RANBP17: variants seen among roughly 807,000 people sequenced by gnomAD.
RANBP17 encodes the protein ran-binding protein 17.
RANBP17 carries 158 observed loss-of-function variants against 141.2 expected under a neutral mutation model. That is an observed-to-expected ratio of 1.12 (90% CI 0.98 to 1.28). RANBP17 has a LOEUF of 1.28. RANBP17 is among the 50% of genes most tolerant of loss of function. The pLI is 0.00. For synonymous variants in RANBP17, 430 were observed against 450.0 expected (o/e 0.96, Z 0.56); for missense variants, 1,438 against 1,290.7 (o/e 1.11, Z -1.75).
At chr5:170,918,273 T>G (rs1223378094) in intron 9 of RANBP17, 1 of 152,228 alleles carries the variant, frequency 6.6e-6, no homozygotes, top group African/African-American at 2.4e-5. Context: ...ATTTGTTTAA[T>G]TAAGAAAATT....
At chr5:170,881,683 A>G (rs1768705792) in intron 2 of RANBP17, 123 bp from the exon 3 acceptor site, 2 of 577,228 alleles carry the variant, frequency 3.5e-6, no homozygotes, top group Non-Finnish European at 6.0e-6. Flanking sequence ...TATTTTATCT[A>G]TTGTAAATTT....
intron 12 of RANBP17, among the ~76,000 whole-genome samples, chr5:170,942,383 G>A (rs1220261018): frequency 6.6e-6 from 1 of 151,918 alleles, no homozygotes; most frequent in African/African-American, 2.4e-5. Flanking sequence ...ATATGAAGAT[G>A]AATAAATAGA....
chr5:171,053,776 G>A (rs1163894691), intron 14 of RANBP17, among the ~76,000 whole-genome samples: 2 of 150,600 alleles, frequency 1.3e-5, no homozygotes, highest in African/African-American at 2.4e-5. Flanking sequence ...AGTGGTGAAA[G>A]TGGTCATCCT....
chr5:171,250,191 T>C (rs560148856), intron 24 of RANBP17, among the ~76,000 whole-genome samples: 16 of 152,264 alleles, frequency 1.1e-4, no homozygotes, highest in African/African-American at 3.6e-4. Context: ...ATAAAGTCTT[T>C]CCAAGAGAAG....
intron 14 of RANBP17, among the ~76,000 whole-genome samples, chr5:171,058,036 G>C (rs1374220510): frequency 1.3e-5 from 2 of 151,886 alleles, no homozygotes; most frequent in Non-Finnish European, 2.9e-5. Context: ...CTTGAGATTT[G>C]GTTATATGTA....
chr5:171,256,133 A>G (rs887323020), intron 24 of RANBP17, among the ~76,000 whole-genome samples: 6 of 152,200 alleles, frequency 3.9e-5, no homozygotes, highest in Non-Finnish European at 7.3e-5. Flanking sequence ...TTCTTTAAAA[A>G]CACTTTTTAT....
chr5:171,008,695 G>A (rs561618884), intron 14 of RANBP17, among the ~76,000 whole-genome samples: 4 of 152,232 alleles, frequency 2.6e-5, no homozygotes, highest in East Asian at 1.9e-4. Flanking sequence ...CATCAGTTAC[G>A]GTGGGGCAAA....
At chr5:171,114,842 G>C (rs943961933) in intron 14 of RANBP17, among the ~76,000 whole-genome samples, 21 of 151,844 alleles carry the variant, frequency 1.4e-4, no homozygotes, top group African/African-American at 5.1e-4. Flanking sequence ...GGCCAAGTAT[G>C]GTAGCTCAAG....
At chr5:171,130,238 G>A (rs980061795) in intron 14 of RANBP17, among the ~76,000 whole-genome samples, 6 of 151,928 alleles carry the variant, frequency 3.9e-5, no homozygotes, top group Non-Finnish European at 8.8e-5. Context: ...ACCACCCACC[G>A]AAATACAAGA....
chr5:171,049,139 T>C (rs1782787864), intron 14 of RANBP17, among the ~76,000 whole-genome samples: 1 of 152,218 alleles, frequency 6.6e-6, no homozygotes, highest in South Asian at 2.1e-4. Flanking sequence ...TTCACCAGCA[T>C]GTATTATTTT....
At chr5:171,007,552 G>C (rs1173270770) in intron 14 of RANBP17, among the ~76,000 whole-genome samples, 3 of 152,238 alleles carry the variant, frequency 2.0e-5, no homozygotes, top group Middle Eastern at 3.4e-3. Context: ...GAAGGGACAG[G>C]TGGGAGGGAA....
At chr5:171,069,071 C>G (rs1269268224) in intron 14 of RANBP17, among the ~76,000 whole-genome samples, 1 of 152,158 alleles carries the variant, frequency 6.6e-6, no homozygotes, top group Non-Finnish European at 1.5e-5. Context: ...AGCAGTTTAC[C>G]TGAATGCCTG....
intron 8 of RANBP17, among the ~76,000 whole-genome samples, chr5:170,915,334 C>T (rs959731994): frequency 2.6e-5 from 4 of 152,000 alleles, no homozygotes; most frequent in African/African-American, 9.7e-5. Context: ...GATAAAAATC[C>T]CTACTATGTA....
chr5:171,294,113 CTG>C (rs1269707445), intron 26 of RANBP17, 132 bp downstream of exon 26: 39 of 689,484 alleles, frequency 5.7e-5, no homozygotes, highest in Non-Finnish European at 9.2e-5. Context: ...CTTGCGAACT[CTG>C]TGAGGCTGTA....
At chr5:170,949,989 T>C (rs995327213) in intron 12 of RANBP17, among the ~76,000 whole-genome samples, 1 of 152,134 alleles carries the variant, frequency 6.6e-6, no homozygotes, top group East Asian at 1.9e-4. Context: ...AGAACATACA[T>C]TGGGGAAAGG....
rs776937355 is a variant in RANBP17 at position 171,241,072 on chromosome 5, A to G, written c.2567A>G (p.Asp856Gly). Residue 856 changes from aspartate (D) to glycine (G), a missense_variant, in exon 23 of 28, where the codon GAC becomes GGC. Coordinates refer to ENST00000523189, the MANE Select transcript of RANBP17 (RefSeq NM_022897.5). ...TTTGGCGTCTTCAAGTTGTATGGGG[A>G]CAACCATTTTGACAATGTACTCCAG... Reference protein sequence around the residue: ...VSFGVFKLYGDNHFDNVLQAF... With the variant: ...VSFGVFKLYGGNHFDNVLQAF... 19 of 1,613,766 alleles carry G rather than the reference A, an allele frequency of 1.2e-5. No homozygotes were observed. The highest frequency in any genetic ancestry group is 2.7e-5 in the African/African-American group (2 of 74,852).
At chr5:170,981,758 G>A (rs1369182246) in intron 14 of RANBP17, among the ~76,000 whole-genome samples, 1 of 152,104 alleles carries the variant, frequency 6.6e-6, no homozygotes, top group Non-Finnish European at 1.5e-5. Context: ...CTTGAAACTA[G>A]CAACCAGATG....
Position 171,011,337 on chromosome 5 carries a change from A to T in RANBP17, c.1710+42960A>T, listed in dbSNP as rs1397869495. On this transcript the variant is annotated intron_variant, in intron 14 of 27. Transcript: ENST00000523189. The stretch of plus-strand genomic sequence containing the variant: ...AGAAATGACCAGGTATCATATGAGG[A>T]TAACCAACTAGTATGTTTTTTGGCC... Among the ~76,000 whole-genome samples, 4 of 152,048 alleles carry T rather than the reference A, an allele frequency of 2.6e-5. No homozygotes were observed. In the East Asian group the frequency reaches 7.7e-4, roughly 29 times the overall value.
chr5:170,936,691 T>C (rs965186237), intron 12 of RANBP17, among the ~76,000 whole-genome samples: 10 of 152,314 alleles, frequency 6.6e-5, no homozygotes, highest in African/African-American at 1.9e-4. Context: ...GAAAAGAATA[T>C]GTATTTTGCT....
Sources: allele counts gnomAD v4.1 joint callset (sites outside exome capture counted in the v4.1 genomes callset), GRCh38; gene constraint gnomAD v4.1.1; transcripts MANE v1.5; gene names NCBI Gene and HGNC (gene_info 2026-07-23, HGNC 2026-07-21).